The following HID1 variants were observed in gnomAD, a reference collection of about 807,000 sequenced individuals.
HID1 encodes protein HID1.
In HID1, 42 loss-of-function variants were observed where a neutral mutation model predicts 89.7. The observed-to-expected ratio is 0.47, with a 90% CI of 0.37 to 0.61. HID1 has a LOEUF of 0.61. Ranked by LOEUF, HID1 falls within the 20% of genes least tolerant of loss-of-function variation. The pLI is 0.00. For synonymous variants in HID1, 442 were observed against 433.8 expected (o/e 1.02, Z -0.24); for missense variants, 854 against 1,039.3 (o/e 0.82, Z 2.45).
In HID1 at chr17:74,958,631, G is replaced by T. The variant is rs763366114; in HGVS notation, c.1240+42C>A. On this transcript the variant is annotated intron_variant, in intron 10 of 18. Transcript: ENST00000425042. The surrounding 1 kb of genome is among the most constrained non-coding windows in gnomAD (Gnocchi z 5.2). Reference sequence around the variant, plus strand: ...CAGATAGCCAGCCCTCCACCTCGCCGCCAGGAAAGCCCCCAGCATCCCACC... The same window carrying T: ...CAGATAGCCAGCCCTCCACCTCGCCTCCAGGAAAGCCCCCAGCATCCCACC... The T allele has an allele frequency of 1.7e-5, 27 of 1,598,420 alleles. No homozygotes were observed. Among genetic ancestry groups the T allele is most frequent in the Admixed American group, 1.7e-5 (1 of 59,814 alleles).
At chr17:74,966,614 A>G (rs1394272281) in intron 1 of HID1, among the ~76,000 whole-genome samples, 1 of 152,066 alleles carries the variant, frequency 6.6e-6, no homozygotes, top group Non-Finnish European at 1.5e-5. Context: ...CACTTCATAC[A>G]TGTTACTCTT....
At chr17:74,969,291 T>C (rs1468317208) in intron 1 of HID1, among the ~76,000 whole-genome samples, 2 of 151,346 alleles carry the variant, frequency 1.3e-5, no homozygotes, top group East Asian at 2.0e-4. Context: ...GCCTCCCGGG[T>C]TCACGCCATT....
chr17:74,952,942 C>G, intron 16 of HID1, 64 bp downstream of exon 16: 1 of 1,322,456 alleles, frequency 7.6e-7, no homozygotes, highest in South Asian at 1.3e-5. Flanking sequence ...CAACCCAGCT[C>G]CCGCCTCAGT....
intron 6 of HID1, among the ~76,000 whole-genome samples, chr17:74,961,369 G>A (rs998590927): frequency 2.6e-5 from 4 of 151,974 alleles, no homozygotes; most frequent in Non-Finnish European, 5.9e-5. Flanking sequence ...CCGGGTTCAA[G>A]CGATTCTCGT....
chr17:74,963,713 C>T, intron 3 of HID1, 27 bp downstream of exon 3: 2 of 1,572,700 alleles, frequency 1.3e-6, no homozygotes, highest in South Asian at 2.3e-5. Flanking sequence ...CTCTGCCTCC[C>T]ACCCAGCCCT....
At chr17:74,961,827 C>G (rs1220810076) in intron 6 of HID1, 46 bp downstream of exon 6, 4 of 1,248,730 alleles carry the variant, frequency 3.2e-6, no homozygotes, top group Non-Finnish European at 4.4e-6. Context: ...TCTGGATTGC[C>G]TGGAATAAGA....
Position 74,953,667 on chromosome 17 carries a change from G to A in HID1, c.1865-16C>T, listed in dbSNP as rs757750530. 6 of 1,604,236 alleles carry A rather than the reference G, an allele frequency of 3.7e-6. No homozygotes were observed. The highest frequency in any genetic ancestry group is 5.1e-6 in the Non-Finnish European group (6 of 1,171,000). On this transcript the variant is annotated splice_polypyrimidine_tract_variant and intron_variant, in intron 14 of 18. Transcript: ENST00000425042. Reference sequence around the variant, plus strand: ...TTGTCAATGCCTGGGCAGGGCACAGGTGGGAGTGAGGACTCCCTGCCACAG... The same window carrying A: ...TTGTCAATGCCTGGGCAGGGCACAGATGGGAGTGAGGACTCCCTGCCACAG...
Position 74,958,650 on chromosome 17 carries a change from TCCCA to T in HID1, c.1240+19_1240+22del. On this transcript the variant is annotated intron_variant, in intron 10 of 18. Coordinates refer to ENST00000425042, the MANE Select transcript of HID1 (RefSeq NM_030630.3). This position sits in a 1 kb window ranked among gnomAD's most constrained non-coding sequence, Gnocchi z 5.2. The stretch of plus-strand genomic sequence containing the variant: ...CTCGCCGCCAGGAAAGCCCCCAGCA[TCCCA>T]CCCCCACCCTGGTCTTACACTGATC... 1 of 1,163,196 alleles carries T rather than the reference TCCCA, an allele frequency of 8.6e-7. No homozygotes were observed. The allele number at this position is 1,163,196 out of a possible 1,614,324, so 72.1% of individuals were successfully genotyped here. A position where few individuals can be genotyped will look rare whatever the true frequency, so the allele number is the denominator to read the frequency against.
At chr17:74,957,582 CA>C (rs5822061) in intron 12 of HID1, among the ~76,000 whole-genome samples, 150,833 of 151,744 alleles carry the variant, frequency 0.99, 74,975 homozygotes, top group East Asian at 1. Flanking sequence ...CTTCAGATGT[CA>C]AAAAAAATTG....
At chr17:74,960,487 G>T (rs1166142117) in intron 6 of HID1, among the ~76,000 whole-genome samples, 2 of 152,234 alleles carry the variant, frequency 1.3e-5, no homozygotes, top group East Asian at 1.9e-4. Flanking sequence ...GGGAATGGAG[G>T]CCTGTGGAGA....
chr17:74,967,362 A>C (rs1290348352), intron 1 of HID1, among the ~76,000 whole-genome samples: 1 of 151,166 alleles, frequency 6.6e-6, no homozygotes, highest in African/African-American at 2.4e-5. Context: ...AATATGGTGA[A>C]ACCCCTCTTT....
At chr17:74,963,119 C>A in intron 3 of HID1, 38 bp from the exon 4 acceptor site, 1 of 1,485,720 alleles carries the variant, frequency 6.7e-7, no homozygotes. Flanking sequence ...TCAGTGATAG[C>A]TGGCCAGGAA....
chr17:74,963,002 G>A lies in HID1; in HGVS notation c.467C>T (p.Pro156Leu), dbSNP rs757621158. ...LLAIADLLFC[P>L]DFTVQSHRRS... ...CCGGTGGCTCTGAACCGTGAAGTCC[G>A]GGCAGAAGAGCAGGTCAGCAATGGC... The change falls in exon 4 of 19, where the codon CCG (proline) becomes CTG (leucine). Residue 156 changes from proline (P) to leucine (L), a missense_variant. Physicochemically the swap from Pro to Leu is moderately conservative, Grantham distance 98. Transcript: ENST00000425042. 1.5e-5 allele frequency: 25 copies of A among 1,613,414 alleles called. No individual in the cohort carries two copies. Among genetic ancestry groups the A allele is most frequent in the Non-Finnish European group, 1.9e-5 (23 of 1,179,688 alleles).
chr17:74,960,945 C>G (rs770641451), intron 6 of HID1, among the ~76,000 whole-genome samples: 1 of 151,666 alleles, frequency 6.6e-6, no homozygotes, highest in Non-Finnish European at 1.5e-5. Flanking sequence ...CACCCTCCCC[C>G]CACCCCGTGC....
In HID1 at chr17:74,951,891, T is replaced by G; in HGVS notation, c.2303+14A>C. ...GGCTCTCAGGTGGACACCACCCCAC[T>G]CCCCGGGGCCCACCTCAGATAGATG... On this transcript the variant is annotated intron_variant, in intron 18 of 18. Transcript: ENST00000425042. 1 of 1,498,852 alleles carries G rather than the reference T, an allele frequency of 6.7e-7. No homozygotes were observed. 92.8% of individuals were successfully genotyped at this position (1,498,852 alleles called of 1,614,324 possible). A position where few individuals can be genotyped will look rare whatever the true frequency, so the allele number is the denominator to read the frequency against.
chr17:74,963,867 G>A lies in HID1; in HGVS notation c.260C>T (p.Ser87Leu), dbSNP rs759908194. The change falls in exon 3 of 19, where the codon TCG becomes TTG. Residue 87 changes from serine (S) to leucine (L), a missense_variant. Transcript: ENST00000425042. ...CAGGACGATCTGCTTCTCCTTCTCCGAGTGGCAGCCACTCTCAGCTCCCTG... is the reference window on the plus strand; with the variant it reads ...CAGGACGATCTGCTTCTCCTTCTCCAAGTGGCAGCCACTCTCAGCTCCCTG... The part of the protein sequence containing the change: ...LVQGAESGCH[S>L]EKEKQIVLNC... 1.3e-5 allele frequency: 21 copies of A among 1,613,436 alleles called. No individual in the cohort carries two copies. The highest frequency in any genetic ancestry group is 3.3e-5 in the South Asian group (3 of 91,088).
At chr17:74,964,699 T>G in intron 1 of HID1, 67 bp from the exon 2 acceptor site, 1 of 1,521,128 alleles carries the variant, frequency 6.6e-7, no homozygotes, top group Non-Finnish European at 8.9e-7. Flanking sequence ...TTGCCCAACT[T>G]GTGGCCAGGA....
intron 2 of HID1, 72 bp from the exon 3 acceptor site, chr17:74,963,982 G>C: frequency 6.5e-7 from 1 of 1,536,346 alleles, no homozygotes; most frequent in Admixed American, 1.7e-5. Context: ...GGGTCAGGGT[G>C]GGCACCCAGG....
In HID1 at chr17:74,958,812, G is replaced by C. The variant is rs757019410; in HGVS notation, c.1150-49C>G. 1.3e-6 allele frequency: 2 copies of C among 1,599,254 alleles called. No individual in the cohort carries two copies. The highest frequency in any genetic ancestry group is 1.7e-6 in the Non-Finnish European group (2 of 1,170,438). ...GTGGGCTGAGTTCAAGGGAGGGGCA[G>C]CTCTGCCCCACCCCCCTCAGTCTGA... On this transcript the variant is annotated intron_variant, in intron 9 of 18. Transcript: ENST00000425042. The surrounding 1 kb of genome is among the most constrained non-coding windows in gnomAD (Gnocchi z 5.2).
Sources: allele counts gnomAD v4.1 joint callset (sites outside exome capture counted in the v4.1 genomes callset), GRCh38; gene constraint gnomAD v4.1.1; non-coding constraint Gnocchi (gnomAD v3.1); transcripts MANE v1.5; gene names NCBI Gene and HGNC (gene_info 2026-07-23, HGNC 2026-07-21).